The following PTPRD variants were observed in gnomAD, a reference collection of about 807,000 sequenced individuals.
PTPRD encodes the protein receptor-type tyrosine-protein phosphatase delta.
In PTPRD, 34 loss-of-function variants were observed where a neutral mutation model predicts 214.5. The observed-to-expected ratio is 0.16, with a 90% CI of 0.12 to 0.21. The LOEUF (loss-of-function observed/expected upper bound fraction) is 0.21, where lower values mean the gene tolerates loss of function less well. Ranked by LOEUF, PTPRD falls within the 10% of genes least tolerant of loss-of-function variation. PTPRD has a pLI of 1.00. For missense variants in PTPRD, 2,545 were observed against 2,398.7 expected (o/e 1.06, Z -1.27); for synonymous variants, 1,128 against 845.7 (o/e 1.33, Z -5.79).
intron 11 of PTPRD, among the ~76,000 whole-genome samples, chr9:8,935,025 A>C (rs2098987236): frequency 6.6e-6 from 1 of 152,156 alleles, no homozygotes; most frequent in South Asian, 2.1e-4. Context: ...ATATACACAC[A>C]CAGAGAGATA....
intron 9 of PTPRD, among the ~76,000 whole-genome samples, chr9:9,307,128 C>G (rs1210364205): frequency 6.6e-6 from 1 of 152,056 alleles, no homozygotes; most frequent in East Asian, 1.9e-4. Flanking sequence ...AAAAGTTAAC[C>G]AAAAGCTTTA....
At chr9:8,770,951 G>A (rs1028013901) in intron 11 of PTPRD, among the ~76,000 whole-genome samples, 5 of 151,960 alleles carry the variant, frequency 3.3e-5, no homozygotes, top group African/African-American at 7.2e-5. Flanking sequence ...AGGCAGAGGC[G>A]GGTGGATCAC....
At chr9:10,200,597 G>T (rs924891003) in intron 3 of PTPRD, among the ~76,000 whole-genome samples, 1 of 151,970 alleles carries the variant, frequency 6.6e-6, no homozygotes, top group Non-Finnish European at 1.5e-5. Flanking sequence ...TTACAACAAA[G>T]GAAACACATT....
chr9:8,734,523 G>C (rs2098696322), intron 11 of PTPRD, among the ~76,000 whole-genome samples: 1 of 152,160 alleles, frequency 6.6e-6, no homozygotes, highest in African/African-American at 2.4e-5. Context: ...GTCTAGTTTG[G>C]CATCAATAAG....
chr9:9,484,753 A>G (rs1302780535), intron 8 of PTPRD, among the ~76,000 whole-genome samples: 1 of 152,154 alleles, frequency 6.6e-6, no homozygotes, highest in Non-Finnish European at 1.5e-5. Context: ...TTGCAGAATG[A>G]AGATCAGAAC....
intron 9 of PTPRD, among the ~76,000 whole-genome samples, chr9:9,372,426 G>A (rs996485357): frequency 2.6e-5 from 4 of 151,980 alleles, no homozygotes; most frequent in African/African-American, 9.7e-5. Flanking sequence ...TCAGAGACTA[G>A]GATTGCAACC....
chr9:9,128,886 T>C (rs948759959), intron 10 of PTPRD, among the ~76,000 whole-genome samples: 14 of 152,352 alleles, frequency 9.2e-5, no homozygotes, highest in African/African-American at 3.4e-4. Flanking sequence ...TTATGAATCT[T>C]AAGTCTAAAC....
intron 11 of PTPRD, among the ~76,000 whole-genome samples, chr9:8,824,671 G>A (rs1040075505): frequency 7.2e-5 from 11 of 152,232 alleles, no homozygotes; most frequent in East Asian, 1.9e-4. Context: ...AGCTGATACC[G>A]GGTTGTCAGC....
chr9:9,762,264 T>C (rs1044438525), intron 6 of PTPRD, among the ~76,000 whole-genome samples: 1 of 152,224 alleles, frequency 6.6e-6, no homozygotes, highest in African/African-American at 2.4e-5. Flanking sequence ...CAGTCTTTCT[T>C]CACTTTGTCC....
chr9:10,526,477 A>C (rs950169849), intron 2 of PTPRD, among the ~76,000 whole-genome samples: 1 of 152,076 alleles, frequency 6.6e-6, no homozygotes, highest in Non-Finnish European at 1.5e-5. Context: ...AAATAAGTAA[A>C]AGGATGTACA....
intron 2 of PTPRD, among the ~76,000 whole-genome samples, chr9:10,511,567 G>T (rs2784595): frequency 8.2e-5 from 12 of 145,642 alleles, no homozygotes; most frequent in African/African-American, 1.5e-4. Context: ...CCACACCCTG[G>T]TATTTTTTTT....
chr9:9,230,353 G>C lies in PTPRD; in HGVS notation c.-202-46990C>G, dbSNP rs573301852. Among the ~76,000 whole-genome samples, 13 of 152,212 alleles carry C rather than the reference G, an allele frequency of 8.5e-5. No individual in the cohort carries two copies. In the South Asian group the frequency reaches 2.7e-3, roughly 32 times the overall value. On this transcript the variant is annotated intron_variant, in intron 9 of 45. Transcript: ENST00000381196. Reference sequence around the variant, plus strand: ...GTGAACATATCAAAATGCTGGGAGGGTGGCGTACCCAGGTAGGATATGCCC... The same window carrying C: ...GTGAACATATCAAAATGCTGGGAGGCTGGCGTACCCAGGTAGGATATGCCC...
chr9:10,091,788 T>G (rs446601), intron 3 of PTPRD, among the ~76,000 whole-genome samples: 39,958 of 151,210 alleles, frequency 0.26, 5,687 homozygotes, highest in East Asian at 0.52. Flanking sequence ...CTCATTTTTC[T>G]TAGAAGCAAG....
At chr9:9,697,205 G>C (rs1022310032) in intron 7 of PTPRD, among the ~76,000 whole-genome samples, 2 of 151,968 alleles carry the variant, frequency 1.3e-5, no homozygotes, top group Non-Finnish European at 2.9e-5. Flanking sequence ...AGTTATAAGT[G>C]GATTGCAAAT....
At chr9:10,432,180 G>C (rs577104362) in intron 2 of PTPRD, among the ~76,000 whole-genome samples, 1 of 149,658 alleles carries the variant, frequency 6.7e-6, no homozygotes, top group Admixed American at 6.7e-5. Flanking sequence ...GTAAACTATC[G>C]CAAGAACAAA....
chr9:10,267,451 G>T (rs758009915), intron 3 of PTPRD, among the ~76,000 whole-genome samples: 1 of 151,966 alleles, frequency 6.6e-6, no homozygotes, highest in Non-Finnish European at 1.5e-5. Flanking sequence ...ATAAAAAGAT[G>T]AATTCATAAT....
chr9:10,107,970 C>T (rs545923614), intron 3 of PTPRD, among the ~76,000 whole-genome samples: 13 of 152,086 alleles, frequency 8.5e-5, no homozygotes, highest in South Asian at 8.3e-4. Context: ...CATTCAGATA[C>T]GGGTGATTCT....
intron 36 of PTPRD, among the ~76,000 whole-genome samples, chr9:8,392,881 A>G (rs1055097457): frequency 6.6e-6 from 1 of 152,156 alleles, no homozygotes; most frequent in Non-Finnish European, 1.5e-5. Context: ...AGGAGAAAAA[A>G]TTTTAGAAAG....
intron 4 of PTPRD, among the ~76,000 whole-genome samples, chr9:9,952,099 C>G (rs2093509086): frequency 6.6e-6 from 1 of 152,038 alleles, no homozygotes; most frequent in African/African-American, 2.4e-5. Context: ...ATGGATTTAC[C>G]AGACAAGATC....
Sources: allele counts gnomAD v4.1 joint callset (sites outside exome capture counted in the v4.1 genomes callset), GRCh38; gene constraint gnomAD v4.1.1; transcripts MANE v1.5; gene names NCBI Gene and HGNC (gene_info 2026-07-23, HGNC 2026-07-21).